The following ANO2 variants were observed in gnomAD, a reference collection of about 807,000 sequenced individuals.
ANO2 encodes the protein anoctamin-2.
In ANO2, 101 loss-of-function variants were observed where a neutral mutation model predicts 124.2. The observed-to-expected ratio is 0.81, with a 90% confidence interval of 0.69 to 0.96. The LOEUF (loss-of-function observed/expected upper bound fraction) is 0.96, where lower values mean the gene tolerates loss of function less well. Ranked by LOEUF, ANO2 falls within the 40% of genes least tolerant of loss-of-function variation. The pLI is 0.00. For missense variants in ANO2, 1,293 were observed against 1,274.5 expected (o/e 1.01, Z -0.22); for synonymous variants, 486 against 482.5 (o/e 1.01, Z -0.09).
intron 15 of ANO2, among the ~76,000 whole-genome samples, chr12:5,638,314 C>G (rs936050534): frequency 1.4e-5 from 2 of 146,500 alleles, no homozygotes; most frequent in African/African-American, 5.0e-5. Flanking sequence ...GGGCTCACTG[C>G]AAGCTCCGCC....
Position 5,612,640 on chromosome 12 carries a change from G to A in ANO2, c.2087+16C>T. 1.9e-6 allele frequency: 3 copies of A among 1,610,168 alleles called. No homozygotes were observed. Among genetic ancestry groups the A allele is most frequent in the Non-Finnish European group, 2.5e-6 (3 of 1,176,476 alleles). On this transcript the variant is annotated intron_variant, in intron 19 of 24. Coordinates refer to ENST00000682330, the MANE Select transcript of ANO2 (RefSeq NM_001364791.2). ...CCTGGCAGCAAGGAGAGAGGTTAGA[G>A]GAGTTCATTACATACGGGACTCCAA...
At chr12:5,572,595 T>G (rs913462130) in intron 23 of ANO2, among the ~76,000 whole-genome samples, 10 of 152,218 alleles carry the variant, frequency 6.6e-5, no homozygotes. Flanking sequence ...CTAGAGTTCT[T>G]GAGGGATGCA....
At chr12:5,728,095 CG>C (rs1950512864) in intron 14 of ANO2, among the ~76,000 whole-genome samples, 1 of 152,106 alleles carries the variant, frequency 6.6e-6, no homozygotes, top group South Asian at 2.1e-4. Context: ...CGTGAGCCAC[CG>C]CACCCGGCCT....
At chr12:5,897,527 G>A (rs2136278084) in intron 3 of ANO2, among the ~76,000 whole-genome samples, 1 of 152,250 alleles carries the variant, frequency 6.6e-6, no homozygotes, top group Middle Eastern at 3.4e-3. Flanking sequence ...AAGATAATGA[G>A]ATATTGGCAC....
intron 14 of ANO2, among the ~76,000 whole-genome samples, chr12:5,681,238 T>C (rs943775086): frequency 6.6e-6 from 1 of 152,222 alleles, no homozygotes; most frequent in African/African-American, 2.4e-5. Context: ...CGCCATCTGA[T>C]TTCAAGGAAG....
At chr12:5,565,520 C>T (rs767629132) in intron 24 of ANO2, 38 bp downstream of exon 24, 60 of 1,523,278 alleles carry the variant, frequency 3.9e-5, no homozygotes, top group South Asian at 7.2e-5. Flanking sequence ...TCCTGCAGCC[C>T]GGATTCGAAT....
intron 20 of ANO2, 144 bp from the exon 21 acceptor site, chr12:5,578,662 G>A (rs1404707628): frequency 2.0e-5 from 16 of 811,230 alleles, no homozygotes; most frequent in African/African-American, 5.2e-5. Context: ...TTCCTCCTGT[G>A]TCACATACAC....
intron 14 of ANO2, among the ~76,000 whole-genome samples, chr12:5,681,740 G>C (rs965268585): frequency 6.6e-6 from 1 of 152,032 alleles, no homozygotes; most frequent in African/African-American, 2.4e-5. Flanking sequence ...ACTACTCATA[G>C]ACCCCTGTGG....
intron 10 of ANO2, among the ~76,000 whole-genome samples, chr12:5,772,853 T>C (rs541239546): frequency 6.6e-6 from 1 of 152,382 alleles, no homozygotes; most frequent in South Asian, 2.1e-4. Context: ...TGGATGTTAA[T>C]AGCCACTCCC....
chr12:5,776,630 C>T (rs1952239854), intron 10 of ANO2, among the ~76,000 whole-genome samples: 1 of 152,208 alleles, frequency 6.6e-6, no homozygotes, highest in African/African-American at 2.4e-5. Context: ...GTTTCTGTCA[C>T]CAGGATCCTG....
chr12:5,928,494 TG>T lies in ANO2; in HGVS notation c.23-5691del, dbSNP rs1270589642. On this transcript the variant is annotated intron_variant, in intron 1 of 24. Transcript: ENST00000682330. ...TCACTAGTCTACTTTCCTTCCTCACTGGTCTACTTTCCTTCCTCTCTAGTCT... is the reference window on the plus strand; with the variant it reads ...TCACTAGTCTACTTTCCTTCCTCACTGTCTACTTTCCTTCCTCTCTAGTCT... Among the ~76,000 whole-genome samples, 25 of 146,418 alleles carry T rather than the reference TG, an allele frequency of 1.7e-4. 1 individual carries two copies. Among genetic ancestry groups the T allele is most frequent in the Admixed American group, 2.8e-4 (4 of 14,108 alleles).
intron 11 of ANO2, among the ~76,000 whole-genome samples, chr12:5,748,374 G>T (rs1269860114): frequency 6.6e-6 from 1 of 152,180 alleles, no homozygotes; most frequent in Non-Finnish European, 1.5e-5. Flanking sequence ...AAACCCAAAA[G>T]CCATGTTTTC....
In ANO2 at chr12:5,635,217, T is replaced by C. The variant is rs191188083; in HGVS notation, c.1751A>G (p.Asn584Ser). The change falls in exon 16 of 25, where the codon AAC becomes AGC. Residue 584 changes from asparagine (N) to serine (S), a missense_variant. Transcript: ENST00000682330. The surrounding 1 kb of genome is among the most constrained non-coding windows in gnomAD (Gnocchi z 5.2). ...VTVTATAVII[N>S]LVVILILDEI... ...GTCCAGGATGAGGATGACCACGAGG[T>C]TGATGATGACTGCTGTTGCTGTCAC... is the stretch of plus-strand genomic sequence containing the variant. 41 of 1,611,952 alleles carry C rather than the reference T, an allele frequency of 2.5e-5. No homozygotes were observed. In the Admixed American group the frequency reaches 5.7e-4, roughly 23 times the overall value.
Position 5,646,396 on chromosome 12 carries a change from T to C in ANO2, c.1620+1331A>G, listed in dbSNP as rs1419990061. 2.0e-5 allele frequency among the ~76,000 whole-genome samples: 3 copies of C among 152,230 alleles called. No individual in the cohort carries two copies. The East Asian group carries it at 5.8e-4, about 29-fold the overall frequency. Reference sequence around the variant, plus strand: ...TTAGCAAAATGGGATGTTACAAATATCCTAACCTACTACTACTGGAGATAG... The same window carrying C: ...TTAGCAAAATGGGATGTTACAAATACCCTAACCTACTACTACTGGAGATAG... On this transcript the variant is annotated intron_variant, in intron 15 of 24. Coordinates refer to ENST00000682330, the MANE Select transcript of ANO2 (RefSeq NM_001364791.2).
chr12:5,579,312 C>G (rs1468273690), intron 20 of ANO2, among the ~76,000 whole-genome samples: 2 of 152,174 alleles, frequency 1.3e-5, no homozygotes, highest in African/African-American at 4.8e-5. Context: ...AAAGAATGTA[C>G]TAGTGATAGA....
intron 7 of ANO2, among the ~76,000 whole-genome samples, chr12:5,808,202 A>T (rs984125473): frequency 2.6e-5 from 4 of 152,214 alleles, no homozygotes; most frequent in African/African-American, 9.7e-5. Flanking sequence ...AAAACTATAC[A>T]AGGGATTTAT....
chr12:5,663,763 G>C (rs973029561), intron 14 of ANO2, among the ~76,000 whole-genome samples: 6 of 152,194 alleles, frequency 3.9e-5, no homozygotes, highest in African/African-American at 1.2e-4. Context: ...AGAGGAATTT[G>C]TTCTGACCCT....
At chr12:5,792,674 G>A (rs542984444) in intron 10 of ANO2, among the ~76,000 whole-genome samples, 4 of 152,262 alleles carry the variant, frequency 2.6e-5, no homozygotes, top group East Asian at 1.9e-4. Flanking sequence ...ATGGCTAGTC[G>A]AAGGCCAATT....
At chr12:5,642,605 C>T (rs1208493719) in intron 15 of ANO2, among the ~76,000 whole-genome samples, 1 of 152,176 alleles carries the variant, frequency 6.6e-6, no homozygotes, top group African/African-American at 2.4e-5. Context: ...TGCCTTTCTA[C>T]CAGCATTTTC....
Sources: gnomAD v4.1 joint callset for allele counts (sites outside exome capture counted in the v4.1 genomes callset) on GRCh38, gnomAD v4.1.1 for gene constraint, Gnocchi (gnomAD v3.1) non-coding constraint, MANE v1.5 for transcripts, NCBI Gene and HGNC (gene_info 2026-07-23, HGNC 2026-07-21) for gene names.